ERBB4: variants seen among roughly 807,000 people sequenced by gnomAD.
The protein encoded by ERBB4 is erb-b2 receptor tyrosine kinase 4, also known as receptor tyrosine-protein kinase erbB-4.
In ERBB4, 42 loss-of-function variants were observed where a neutral mutation model predicts 158.0. That is an observed-to-expected ratio of 0.27 (90% CI 0.21 to 0.34). The LOEUF is 0.34. Ranked by LOEUF, ERBB4 falls within the 10% of genes least tolerant of loss-of-function variation. ERBB4 has a pLI of 1.00. For missense variants in ERBB4, 1,333 were observed against 1,624.1 expected (o/e 0.82, Z 3.08); for synonymous variants, 583 against 558.7 (o/e 1.04, Z -0.61).
chr2:212,276,685 G>A (rs1444386719), intron 1 of ERBB4, among the ~76,000 whole-genome samples: 1 of 151,772 alleles, frequency 6.6e-6, no homozygotes, highest in Non-Finnish European at 1.5e-5. Context: ...CTCGCTATCA[G>A]ATGAGTAACT....
chr2:212,499,980 A>G (rs1424528007), intron 1 of ERBB4, among the ~76,000 whole-genome samples: 2 of 152,094 alleles, frequency 1.3e-5, no homozygotes, highest in Non-Finnish European at 2.9e-5. Context: ...ATGAGATGAC[A>G]CCATACATTA....
intron 1 of ERBB4, among the ~76,000 whole-genome samples, chr2:212,233,925 A>G (rs1432586245): frequency 1.3e-5 from 2 of 150,754 alleles, no homozygotes; most frequent in East Asian, 3.9e-4. Context: ...AATTAACAGT[A>G]TTTCTCTAGA....
At chr2:211,610,102 T>C (rs2069136706) in intron 19 of ERBB4, among the ~76,000 whole-genome samples, 1 of 149,240 alleles carries the variant, frequency 6.7e-6, no homozygotes, top group Non-Finnish European at 1.5e-5. Context: ...TCATTAAACT[T>C]AAAAAAAAAA....
At chr2:212,398,238 G>A (rs1305535182) in intron 1 of ERBB4, among the ~76,000 whole-genome samples, 3 of 151,912 alleles carry the variant, frequency 2.0e-5, no homozygotes, top group African/African-American at 7.3e-5. Context: ...CATTATCTCT[G>A]GGTAATGGGG....
rs757920395 is a variant in ERBB4 at position 211,377,050 on chromosome 2, G to A, written c.*6565C>T. On this transcript the variant is annotated 3_prime_UTR_variant, in exon 28 of 28. Coordinates refer to ENST00000342788, the MANE Select transcript of ERBB4 (RefSeq NM_005235.3). The stretch of plus-strand genomic sequence containing the variant: ...TATCTACATTTAGAAAATAACTTTC[G>A]TAGTTGATTACTGGAGTAATCCCAA... 2.6e-5 allele frequency: 6 copies of A among 232,776 alleles called. No homozygotes were observed. The highest frequency in any genetic ancestry group is 6.6e-5 in the African/African-American group (3 of 45,264). 14.4% of individuals were successfully genotyped at this position (232,776 alleles called of 1,614,324 possible).
At chr2:212,055,107 C>A (rs1261509802) in intron 2 of ERBB4, among the ~76,000 whole-genome samples, 2 of 152,172 alleles carry the variant, frequency 1.3e-5, no homozygotes, top group African/African-American at 2.4e-5. Flanking sequence ...CACCCTAATA[C>A]TGTGCTTTTC....
intron 1 of ERBB4, among the ~76,000 whole-genome samples, chr2:212,267,458 T>G (rs1249264781): frequency 6.6e-6 from 1 of 151,860 alleles, no homozygotes; most frequent in East Asian, 1.9e-4. Flanking sequence ...GGTTAACAGT[T>G]TACCTTAGCT....
chr2:211,647,884 C>G (rs1027257245), intron 16 of ERBB4, among the ~76,000 whole-genome samples: 1 of 151,624 alleles, frequency 6.6e-6, no homozygotes, highest in Admixed American at 6.6e-5. Flanking sequence ...CAGGGCTTCA[C>G]CTTACCTGAT....
chr2:212,070,662 C>T (rs73987223), intron 2 of ERBB4, among the ~76,000 whole-genome samples: 3,784 of 152,066 alleles, frequency 0.025, 173 homozygotes, highest in African/African-American at 0.086. Context: ...GTTTGGATCT[C>T]TGTCTTACAC....
chr2:212,300,851 C>T (rs2086593455), intron 1 of ERBB4, among the ~76,000 whole-genome samples: 1 of 151,418 alleles, frequency 6.6e-6, no homozygotes, highest in Non-Finnish European at 1.5e-5. Context: ...CTGTTTCACT[C>T]AGACATTATA....
intron 20 of ERBB4, among the ~76,000 whole-genome samples, chr2:211,486,258 C>G (rs1574586017): frequency 6.6e-6 from 1 of 152,086 alleles, no homozygotes; most frequent in Non-Finnish European, 1.5e-5. Context: ...TTTTCGTTCC[C>G]AGGTGCAAAA....
chr2:211,678,432 C>T (rs983002817), intron 13 of ERBB4, among the ~76,000 whole-genome samples: 2 of 151,802 alleles, frequency 1.3e-5, no homozygotes, highest in African/African-American at 4.8e-5. Flanking sequence ...TATAACAATC[C>T]CCTTCATAAA....
intron 2 of ERBB4, among the ~76,000 whole-genome samples, chr2:212,075,179 C>T (rs548148098): frequency 2.0e-5 from 3 of 151,846 alleles, no homozygotes; most frequent in African/African-American, 7.2e-5. Flanking sequence ...AAAATTCTTC[C>T]ATGGGATTTT....
chr2:211,475,931 A>C (rs13029575), intron 20 of ERBB4, among the ~76,000 whole-genome samples: 31,922 of 151,996 alleles, frequency 0.21, 3,407 homozygotes, highest in Admixed American at 0.22. Flanking sequence ...ATAAAATGTT[A>C]AAATAACAAA....
chr2:212,093,102 T>TGC (rs1339102790), intron 2 of ERBB4, among the ~76,000 whole-genome samples: 2 of 152,316 alleles, frequency 1.3e-5, no homozygotes, highest in African/African-American at 4.8e-5. Flanking sequence ...ACATGGAAAA[T>TGC]GCTTCCATAC....
chr2:211,573,788 A>G (rs914986712), intron 19 of ERBB4, among the ~76,000 whole-genome samples: 3 of 152,224 alleles, frequency 2.0e-5, no homozygotes, highest in African/African-American at 7.2e-5. Context: ...AGGACTCATA[A>G]CACTCAGTGC....
intron 1 of ERBB4, among the ~76,000 whole-genome samples, chr2:212,190,536 CAAAAA>C (rs11362884): frequency 7.7e-6 from 1 of 129,120 alleles, no homozygotes; most frequent in African/African-American, 2.9e-5. Context: ...GACTCCGTCT[CAAAAA>C]AAAAAAAAAA....
intron 20 of ERBB4, among the ~76,000 whole-genome samples, chr2:211,558,304 T>G (rs1390568549): frequency 1.3e-5 from 2 of 152,168 alleles, no homozygotes; most frequent in East Asian, 3.9e-4. Context: ...GCATGGTCCC[T>G]TCCTCCATCT....
intron 2 of ERBB4, among the ~76,000 whole-genome samples, chr2:212,076,795 G>A (rs2078287396): frequency 6.6e-6 from 1 of 151,696 alleles, no homozygotes. Flanking sequence ...TAAGATATAA[G>A]GTTAACACCA....
Sources: gnomAD v4.1 joint callset for allele counts (sites outside exome capture counted in the v4.1 genomes callset) on GRCh38, gnomAD v4.1.1 for gene constraint, MANE v1.5 for transcripts, NCBI Gene and HGNC (gene_info 2026-07-23, HGNC 2026-07-21) for gene names.